The following FOXP1 variants were observed in gnomAD, a reference collection of about 807,000 sequenced individuals.
FOXP1 encodes forkhead box P1, also known as forkhead box protein P1.
A neutral mutation model predicts 98.2 loss-of-function variants in FOXP1; 15 were observed. That is an observed-to-expected ratio of 0.15 (90% CI 0.10 to 0.24). The LOEUF (loss-of-function observed/expected upper bound fraction) is 0.24, where lower values mean the gene tolerates loss of function less well. FOXP1 is among the 10% of genes least tolerant of loss of function. The pLI is 1.00. For missense variants in FOXP1, 633 were observed against 848.5 expected, an observed-to-expected ratio of 0.75 and a Z score of 3.15; for synonymous variants, 371 against 314.5, an observed-to-expected ratio of 1.18 and a Z score of -1.90.
intron 7 of FOXP1, among the ~76,000 whole-genome samples, chr3:71,106,959 G>C (rs989741205): frequency 6.6e-6 from 1 of 151,798 alleles, no homozygotes. Context: ...CACAGAGATG[G>C]GGTTTTGCCA....
intron 3 of FOXP1, among the ~76,000 whole-genome samples, chr3:71,480,054 G>A (rs1185526638): frequency 2.0e-5 from 3 of 152,076 alleles, no homozygotes; most frequent in Non-Finnish European, 4.4e-5. Context: ...AAATTAGCTG[G>A]GCGTGGTGCC....
intron 4 of FOXP1, among the ~76,000 whole-genome samples, chr3:71,331,527 T>C (rs1224144384): frequency 6.6e-6 from 1 of 152,246 alleles, no homozygotes; most frequent in Non-Finnish European, 1.5e-5. Context: ...GCGGCCCCGG[T>C]GCGGGATCCA....
intron 2 of FOXP1, among the ~76,000 whole-genome samples, chr3:71,545,723 A>C (rs890730247): frequency 6.6e-6 from 1 of 152,236 alleles, no homozygotes; most frequent in Non-Finnish European, 1.5e-5. Context: ...ACCAAAAGTA[A>C]AAGTCTGAAG....
At chr3:71,487,938 A>G (rs1209245243) in intron 3 of FOXP1, among the ~76,000 whole-genome samples, 1 of 152,248 alleles carries the variant, frequency 6.6e-6, no homozygotes, top group African/African-American at 2.4e-5. Flanking sequence ...TACACCAAGA[A>G]TCATAAATTC....
At position 71,524,343 on chromosome 3, in the gene FOXP1, C is replaced by A. The variant is rs376554488; in HGVS notation, c.-297-30788G>T. On this transcript the variant is annotated intron_variant, in intron 2 of 20. Transcript: ENST00000649528. ...AAGCTACTGCACTCCAACGTGGGTG[C>A]CATAGTGAGACTGTCTCAAAAAAAC... Among the ~76,000 whole-genome samples the A allele has an allele frequency of 2.6e-5, 4 of 151,720 alleles. No homozygotes were observed. In the East Asian group the frequency reaches 7.7e-4, roughly 29 times the overall value.
At chr3:71,581,250 T>TGGGGTGAGAAGG (rs2048141124) in intron 2 of FOXP1, 5 of 982,706 alleles carry the variant, frequency 5.1e-6, no homozygotes, top group Non-Finnish European at 6.0e-6. Flanking sequence ...AAGAGGGGAG[T>TGGGGTGAGAAGG]GGGGTGAGAA....
At chr3:71,132,455 A>T (rs2059620100) in intron 6 of FOXP1, among the ~76,000 whole-genome samples, 2 of 152,314 alleles carry the variant, frequency 1.3e-5, no homozygotes, top group South Asian at 4.1e-4. Flanking sequence ...AAAGCCTCTT[A>T]TTTTCAATAA....
chr3:71,092,831 T>C (rs540246965), intron 7 of FOXP1, among the ~76,000 whole-genome samples: 2 of 151,130 alleles, frequency 1.3e-5, no homozygotes, highest in East Asian at 2.0e-4. Flanking sequence ...CTGGTAGCAA[T>C]ACAGTAAAAG....
chr3:71,119,603 G>A (rs572278503), intron 6 of FOXP1, among the ~76,000 whole-genome samples: 1 of 152,266 alleles, frequency 6.6e-6, no homozygotes, highest in African/African-American at 2.4e-5. Flanking sequence ...ACTCCCTGTA[G>A]AGAGCCTGGT....
At chr3:71,386,813 C>CA (rs1297804932) in intron 3 of FOXP1, among the ~76,000 whole-genome samples, 1 of 150,928 alleles carries the variant, frequency 6.6e-6, no homozygotes. Flanking sequence ...AATGAATTGT[C>CA]AACCACTAAG....
At chr3:71,572,786 G>A (rs2047436254) in intron 2 of FOXP1, 1 of 152,164 alleles carries the variant, frequency 6.6e-6, no homozygotes, top group African/African-American at 2.4e-5. Flanking sequence ...CCGGGCTACA[G>A]GTACATGGGT....
intron 2 of FOXP1, among the ~76,000 whole-genome samples, chr3:71,508,967 G>C (rs1416429370): frequency 6.6e-6 from 1 of 152,162 alleles, no homozygotes; most frequent in African/African-American, 2.4e-5. Context: ...GTGAGACACT[G>C]AGCTCTGCAT....
intron 4 of FOXP1, chr3:71,333,952 C>A (rs1277867469): frequency 6.7e-6 from 1 of 150,048 alleles, no homozygotes; most frequent in Non-Finnish European, 1.5e-5. Context: ...AGAAAATACA[C>A]TAGAGGGACA....
intron 6 of FOXP1, among the ~76,000 whole-genome samples, chr3:71,184,968 G>T (rs895238841): frequency 6.6e-6 from 1 of 152,038 alleles, no homozygotes; most frequent in Non-Finnish European, 1.5e-5. Context: ...CAAGGCAGGC[G>T]GATCACCTGA....
chr3:71,181,928 A>G (rs4677032), intron 6 of FOXP1, among the ~76,000 whole-genome samples: 66,319 of 150,740 alleles, frequency 0.44, 14,946 homozygotes, highest in Middle Eastern at 0.58. Context: ...CCAGCTACTC[A>G]GGAGGCTGAG....
chr3:71,109,068 T>C (rs1162838577), intron 7 of FOXP1, among the ~76,000 whole-genome samples: 1 of 152,252 alleles, frequency 6.6e-6, no homozygotes, highest in Admixed American at 6.5e-5. Flanking sequence ...TAATTTTGGT[T>C]ACTAAGTAGA....
At chr3:71,364,967 G>A (rs1309815580) in intron 3 of FOXP1, among the ~76,000 whole-genome samples, 1 of 152,192 alleles carries the variant, frequency 6.6e-6, no homozygotes, top group Non-Finnish European at 1.5e-5. Context: ...GGAACACTTA[G>A]TGAATATTTT....
chr3:71,520,604 G>C (rs555823152), intron 2 of FOXP1, among the ~76,000 whole-genome samples: 6 of 152,188 alleles, frequency 3.9e-5, no homozygotes, highest in Admixed American at 6.5e-5. Flanking sequence ...AAATGTCAGC[G>C]TGAGACTGCC....
Position 71,041,311 on chromosome 3 carries a change from C to A in FOXP1, c.869+17G>T, listed in dbSNP as rs2048305328. The A allele has an allele frequency of 6.2e-7, 1 of 1,611,100 alleles. No homozygotes were observed. The highest frequency in any genetic ancestry group is 1.1e-5 in the South Asian group (1 of 91,012). ...GTTAAAGGCAGTTTTGGACCCATCTCAGTGGCTGGTTCCTACCTTTCCCTT... is the reference window on the plus strand; with the variant it reads ...GTTAAAGGCAGTTTTGGACCCATCTAAGTGGCTGGTTCCTACCTTTCCCTT... On this transcript the variant is annotated intron_variant, in intron 11 of 20. Coordinates refer to ENST00000649528, the MANE Select transcript of FOXP1 (RefSeq NM_001349338.3).
Sources: gnomAD v4.1 joint callset for allele counts (sites outside exome capture counted in the v4.1 genomes callset) on GRCh38, gnomAD v4.1.1 for gene constraint, MANE v1.5 for transcripts, NCBI Gene and HGNC (gene_info 2026-07-23, HGNC 2026-07-21) for gene names.